Variants in COG6 observed in about 807,000 individuals in gnomAD.
The protein encoded by COG6 is component of oligomeric golgi complex 6.
In COG6, 74 loss-of-function variants were observed where a neutral mutation model predicts 88.8. That is an observed-to-expected ratio of 0.83 (90% CI 0.69 to 1.01). COG6 has a LOEUF of 1.01. Ranked by LOEUF, COG6 falls within the 50% of genes least tolerant of loss-of-function variation. The pLI, the probability that COG6 is intolerant of heterozygous loss-of-function variation, is 0.00. For missense variants in COG6, 800 were observed against 797.9 expected (o/e 1.00, Z -0.03); for synonymous variants, 286 against 278.7 (o/e 1.03, Z -0.26).
chr13:39,777,325 G>A (rs752557306), intron 18 of COG6, among the ~76,000 whole-genome samples: 1 of 152,172 alleles, frequency 6.6e-6, no homozygotes, highest in Non-Finnish European at 1.5e-5. Flanking sequence ...AGGTCAGGTG[G>A]CATGGGAGAG....
intron 18 of COG6, among the ~76,000 whole-genome samples, chr13:39,747,235 C>T (rs1358227981): frequency 1.3e-5 from 2 of 152,058 alleles, no homozygotes; most frequent in African/African-American, 4.8e-5. Flanking sequence ...GTGTAGGAAC[C>T]TGTTGCTTTG....
At chr13:39,662,542 G>T (rs527759694) in intron 3 of COG6, among the ~76,000 whole-genome samples, 1 of 152,078 alleles carries the variant, frequency 6.6e-6, no homozygotes, top group African/African-American at 2.4e-5. Context: ...TTTATGAATG[G>T]TAATAAACTG....
intron 18 of COG6, among the ~76,000 whole-genome samples, chr13:39,730,952 G>C (rs546645172): frequency 7.3e-5 from 11 of 151,640 alleles, no homozygotes; most frequent in Admixed American, 2.0e-4. Flanking sequence ...TTCCTGAGTA[G>C]TTGGGACTAC....
chr13:39,737,831 A>T (rs1879842994), intron 18 of COG6, among the ~76,000 whole-genome samples: 1 of 152,020 alleles, frequency 6.6e-6, no homozygotes. Context: ...TCTGGTTCTG[A>T]CCGCTGGGAT....
At chr13:39,710,698 A>G (rs1051334401) in intron 13 of COG6, among the ~76,000 whole-genome samples, 4 of 152,182 alleles carry the variant, frequency 2.6e-5, no homozygotes, top group African/African-American at 9.6e-5. Context: ...GATATCATTA[A>G]TGCTTAAATA....
downstream of COG6, among the ~76,000 whole-genome samples, chr13:39,752,851 C>G (rs988077869): frequency 1.3e-5 from 2 of 152,126 alleles, no homozygotes; most frequent in Admixed American, 6.6e-5. Flanking sequence ...GCTATTACTC[C>G]ATAGTTTGCA....
intron 4 of COG6, among the ~76,000 whole-genome samples, chr13:39,670,521 C>T (rs933471748): frequency 2.0e-5 from 3 of 151,910 alleles, no homozygotes; most frequent in African/African-American, 7.2e-5. Context: ...TCTTAACCTC[C>T]CTTAACCTAA....
rs932487349 is a variant in COG6, at chr13:39,789,616, T to A, written c.*1260T>A. On this transcript the variant is annotated 3_prime_UTR_variant, in exon 19 of 19. Coordinates refer to the COG6 transcript ENST00000416691. Reference sequence around the variant, plus strand: ...TTACCTGCTCCACCCTGTCTCATTCTCCACCCTGACTCATTCCATAACCAT... The same window carrying A: ...TTACCTGCTCCACCCTGTCTCATTCACCACCCTGACTCATTCCATAACCAT... 1.0e-4 allele frequency: 3 copies of A among 29,908 alleles called. 1 individual carries two copies. The Admixed American group carries it at 1.3e-3, about 13-fold the overall frequency. 1.9% of individuals were successfully genotyped at this position (29,908 alleles called of 1,614,324 possible).
intron 13 of COG6, 49 bp from the exon 14 acceptor site, chr13:39,719,187 A>T (rs951928018): frequency 6.3e-7 from 1 of 1,591,852 alleles, no homozygotes; most frequent in African/African-American, 1.3e-5. Context: ...TATACATTAA[A>T]ATTTAGTGGA....
At chr13:39,663,426 A>G (rs1034653787) in intron 3 of COG6, among the ~76,000 whole-genome samples, 2 of 152,196 alleles carry the variant, frequency 1.3e-5, no homozygotes, top group African/African-American at 4.8e-5. Flanking sequence ...ATTAAAATGT[A>G]AACATATCTT....
chr13:39,761,633 A>G (rs572010387), intron 18 of COG6, among the ~76,000 whole-genome samples: 1 of 152,124 alleles, frequency 6.6e-6, no homozygotes, highest in South Asian at 2.1e-4. Context: ...TCATCTGACA[A>G]GGGATTAATA....
At chr13:39,706,255 TTATATATA>T (rs71298976) in intron 13 of COG6, among the ~76,000 whole-genome samples, 2 of 114,670 alleles carry the variant, frequency 1.7e-5, no homozygotes, top group Non-Finnish European at 3.6e-5. Flanking sequence ...ATATACTCCT[TTATATATA>T]TATATATATA....
intron 13 of COG6, among the ~76,000 whole-genome samples, chr13:39,701,155 G>T (rs1360394256): frequency 6.6e-6 from 1 of 151,860 alleles, no homozygotes. Flanking sequence ...ACAGATTCAT[G>T]AAGGGTAAAG....
chr13:39,721,707 C>T (rs766945336), intron 15 of COG6, among the ~76,000 whole-genome samples: 77 of 152,050 alleles, frequency 5.1e-4, no homozygotes, highest in Non-Finnish European at 8.1e-4. Flanking sequence ...AACAATTTAC[C>T]TTGTTGGGTA....
chr13:39,751,276 C>G lies in COG6; in HGVS notation c.*183C>G. 2 of 1,512,916 alleles carry G rather than the reference C, an allele frequency of 1.3e-6. No homozygotes were observed. Among genetic ancestry groups the G allele is most frequent in the Non-Finnish European group, 1.8e-6 (2 of 1,134,326 alleles). 93.7% of individuals were successfully genotyped at this position (1,512,916 alleles called of 1,614,324 possible). A position where few individuals can be genotyped will look rare whatever the true frequency, so the allele number is the denominator to read the frequency against. On this transcript the variant is annotated 3_prime_UTR_variant, in exon 19 of 19. Transcript: ENST00000455146. ...ACAGGGAAGTAAGTAACATGTTGACCTGAGCTAGTATTGCTGTGTATCTAC... is the reference window on the plus strand; with the variant it reads ...ACAGGGAAGTAAGTAACATGTTGACGTGAGCTAGTATTGCTGTGTATCTAC...
In COG6 at chr13:39,751,155, A is replaced by G. The variant is rs1434101313; in HGVS notation, c.*62A>G. ...CCTAAAACACTGAAGGTTATTTTTT[A>G]TTCTTTGAATTTTTACTCTATAATT... On this transcript the variant is annotated 3_prime_UTR_variant, in exon 19 of 19. Transcript: ENST00000455146. 2 of 1,590,100 alleles carry G rather than the reference A, an allele frequency of 1.3e-6. No homozygotes were observed. The highest frequency in any genetic ancestry group is 1.4e-5 in the African/African-American group (1 of 73,850).
chr13:39,719,626 G>A (rs764609159), intron 14 of COG6, 34 bp from the exon 15 acceptor site: 100 of 1,575,506 alleles, frequency 6.3e-5, no homozygotes, highest in Non-Finnish European at 8.2e-5. Context: ...CAGTGATTGA[G>A]AAATAAAGAG....
At chr13:39,719,897 T>C (rs1293036350) in intron 15 of COG6, 70 bp downstream of exon 15, 6 of 1,251,138 alleles carry the variant, frequency 4.8e-6, no homozygotes, top group South Asian at 3.6e-5. Flanking sequence ...CTTTAAGTTA[T>C]TGGCTTAACT....
rs1288525981 is a variant in COG6, at chr13:39,763,039, AT to A, written c.1827-25295del. 7.2e-5 allele frequency among the ~76,000 whole-genome samples: 11 copies of A among 151,756 alleles called. No individual in the cohort carries two copies. The East Asian group carries it at 1.5e-3, about 21-fold the overall frequency. ...GTGACTTTCAGAATCTATTGAGATG[AT>A]CACTTGGCTTTTCTCCTTTATTTGT... On this transcript the variant is annotated intron_variant, in intron 18 of 18. Coordinates refer to the COG6 transcript ENST00000416691.
Sources: allele counts gnomAD v4.1 joint callset (sites outside exome capture counted in the v4.1 genomes callset), GRCh38; gene constraint gnomAD v4.1.1; transcripts MANE v1.5; gene names NCBI Gene and HGNC (gene_info 2026-07-23, HGNC 2026-07-21).